KIT: variants seen among roughly 807,000 people sequenced by gnomAD.
KIT encodes mast/stem cell growth factor receptor Kit.
KIT carries 16 observed loss-of-function variants against 105.7 expected under a neutral mutation model. That is an observed-to-expected ratio of 0.15 (90% confidence interval 0.10 to 0.23). The LOEUF (loss-of-function observed/expected upper bound fraction) is 0.23. KIT is among the 10% of genes least tolerant of loss of function. The pLI, the probability that KIT is intolerant of heterozygous loss-of-function variation, is 1.00. For synonymous variants in KIT, 438 were observed against 441.1 expected, an observed-to-expected ratio of 0.99 and a Z score of 0.09; for missense variants, 858 against 1,213.8, an observed-to-expected ratio of 0.71 and a Z score of 4.36.
At chr4:54,659,369 A>C (rs1489966059) in intron 1 of KIT, among the ~76,000 whole-genome samples, 2 of 152,158 alleles carry the variant, frequency 1.3e-5, no homozygotes, top group Non-Finnish European at 2.9e-5. Context: ...TCACCCCTGA[A>C]GCCCTGCTAT....
rs1560420768 is a variant in KIT, at chr4:54,731,341, A to C, written c.2155A>C (p.Asn719His). 6.2e-7 allele frequency: 1 copy of C among 1,612,422 alleles called. No individual in the cohort carries two copies. The highest frequency in any genetic ancestry group is 8.5e-7 in the Non-Finnish European group (1 of 1,178,582). ...CATCTCTCCCAGCAGCGATAGTACTAATGAGTACATGGACATGAAACCTGG... is the reference window on the plus strand; with the variant it reads ...CATCTCTCCCAGCAGCGATAGTACTCATGAGTACATGGACATGAAACCTGG... ...SKESSCSDST[N>H]EYMDMKPGVS... The change falls in exon 15 of 21, where the codon AAT becomes CAT. Residue 719 changes from asparagine (N) to histidine (H), a missense_variant. Transcript: ENST00000288135.
At chr4:54,700,658 T>C (rs1464271267) in intron 4 of KIT, among the ~76,000 whole-genome samples, 1 of 152,192 alleles carries the variant, frequency 6.6e-6, no homozygotes, top group Admixed American at 6.6e-5. Flanking sequence ...AAAAGAAATA[T>C]TATATTTTCT....
chr4:54,732,469 C>T (rs1360010853), intron 16 of KIT, among the ~76,000 whole-genome samples: 2 of 152,056 alleles, frequency 1.3e-5, no homozygotes, highest in Admixed American at 1.3e-4. Context: ...GTAATAAACA[C>T]TTGGGAGAAG....
chr4:54,665,842 C>T (rs1717648815), intron 1 of KIT, among the ~76,000 whole-genome samples: 1 of 152,094 alleles, frequency 6.6e-6, no homozygotes, highest in Non-Finnish European at 1.5e-5. Context: ...TAAAACTAAA[C>T]CCCAAAGTCA....
At chr4:54,717,846 C>T (rs904943853) in intron 7 of KIT, among the ~76,000 whole-genome samples, 21 of 151,996 alleles carry the variant, frequency 1.4e-4, no homozygotes, top group Admixed American at 3.3e-4. Context: ...TTGTCCCATG[C>T]CTGCACTCCT....
intron 2 of KIT, 129 bp downstream of exon 2, chr4:54,695,910 C>T: frequency 9.7e-7 from 1 of 1,027,026 alleles, no homozygotes. Flanking sequence ...GCCTAAAACA[C>T]ATGTTTCTTC....
chr4:54,676,078 GTT>G, intron 1 of KIT, among the ~76,000 whole-genome samples: 1 of 152,306 alleles, frequency 6.6e-6, no homozygotes, highest in Non-Finnish European at 1.5e-5. Context: ...AAGAAAATCT[GTT>G]TTTGCAGGTT....
rs912001684 is a variant in KIT at position 54,740,536 on chromosome 4, G to A, written c.*1979G>A. 1.3e-5 allele frequency: 3 copies of A among 232,428 alleles called. No individual in the cohort carries two copies. Among genetic ancestry groups the A allele is most frequent in the Non-Finnish European group, 1.7e-5 (2 of 117,470 alleles). The allele number at this position is 232,428 out of a possible 1,614,324, so 14.4% of individuals were successfully genotyped here. A position where few individuals can be genotyped will look rare whatever the true frequency, so the allele number is the denominator to read the frequency against. On this transcript the variant is annotated 3_prime_UTR_variant, in exon 21 of 21. Coordinates refer to ENST00000288135, the MANE Select transcript of KIT (RefSeq NM_000222.3). The stretch of plus-strand genomic sequence containing the variant: ...TTGAAATGTAGCAATAATGTCTTTT[G>A]AATATTCCCAAGCCCATGAGTCCTT...
intron 1 of KIT, among the ~76,000 whole-genome samples, chr4:54,670,287 T>A (rs546599449): frequency 6.6e-6 from 1 of 152,328 alleles, no homozygotes; most frequent in African/African-American, 2.4e-5. Flanking sequence ...CCCCTCTTTT[T>A]AAAATTCATT....
rs1560381238 is a variant in KIT, at chr4:54,678,334, TTCC to T, written c.68-17176_68-17174del. ...CTTCCTTCCTTCCTTCCTTCCTTCC[TTCC>T]TTCCTTCCTTCCTTCCCTCCCTCCC... is the stretch of plus-strand genomic sequence containing the variant. On this transcript the variant is annotated intron_variant, in intron 1 of 20. Transcript: ENST00000288135. Among the ~76,000 whole-genome samples the T allele has an allele frequency of 3.6e-4, 35 of 98,556 alleles. 1 individual carries two copies. Among genetic ancestry groups the T allele is most frequent in the Non-Finnish European group, 5.9e-4 (30 of 51,180 alleles). 64.7% of individuals were successfully genotyped at this position (98,556 alleles called of 152,430 possible).
chr4:54,662,535 A>G (rs1416733565), intron 1 of KIT, among the ~76,000 whole-genome samples: 2 of 152,086 alleles, frequency 1.3e-5, no homozygotes, highest in Admixed American at 1.3e-4. Context: ...AATAATGCCT[A>G]CTCTTTTAAG....
intron 14 of KIT, among the ~76,000 whole-genome samples, chr4:54,730,885 A>T (rs976477423): frequency 6.6e-6 from 1 of 151,966 alleles, no homozygotes; most frequent in Non-Finnish European, 1.5e-5. Flanking sequence ...ATTTTTTTTT[A>T]AACCTTCCTC....
chr4:54,735,644 A>G (rs554200002), intron 17 of KIT, among the ~76,000 whole-genome samples: 1 of 152,288 alleles, frequency 6.6e-6, no homozygotes, highest in South Asian at 2.1e-4. Flanking sequence ...TACCCATTTT[A>G]TCTTATTTAA....
Position 54,723,572 on chromosome 4 carries a change from G to C in KIT, c.1232-12G>C, listed in dbSNP as rs1722023222. The stretch of plus-strand genomic sequence containing the variant: ...AGCACTCTGACATATGGCCATTTCT[G>C]TTTTCCTGTAGCAAAACCAGAAATC... On this transcript the variant is annotated splice_polypyrimidine_tract_variant and intron_variant, in intron 7 of 20. Coordinates refer to ENST00000288135, the MANE Select transcript of KIT (RefSeq NM_000222.3). 6.3e-7 allele frequency: 1 copy of C among 1,592,428 alleles called. No homozygotes were observed. Among genetic ancestry groups the C allele is most frequent in the East Asian group, 2.2e-5 (1 of 44,734 alleles).
chr4:54,695,887 C>A, intron 2 of KIT, 106 bp downstream of exon 2: 1 of 1,397,584 alleles, frequency 7.2e-7, no homozygotes, highest in Non-Finnish European at 1.0e-6. Flanking sequence ...ATATTTCTGG[C>A]TGGGTCTAGA....
At chr4:54,699,105 A>C (rs1370508234) in intron 3 of KIT, among the ~76,000 whole-genome samples, 1 of 152,230 alleles carries the variant, frequency 6.6e-6, no homozygotes, top group Non-Finnish European at 1.5e-5. Context: ...AATCTCAGAG[A>C]TCATCTAATT....
chr4:54,736,070 A>T (rs781561811), intron 17 of KIT, among the ~76,000 whole-genome samples: 1 of 152,158 alleles, frequency 6.6e-6, no homozygotes, highest in African/African-American at 2.4e-5. Flanking sequence ...AAACCGAGTC[A>T]CCTAACTACA....
chr4:54,675,247 A>C (rs866138866), intron 1 of KIT, among the ~76,000 whole-genome samples: 1 of 152,240 alleles, frequency 6.6e-6, no homozygotes, highest in African/African-American at 2.4e-5. Context: ...CATATGAAGA[A>C]TAAGGACAGA....
intron 16 of KIT, among the ~76,000 whole-genome samples, chr4:54,732,689 A>T (rs1446608041): frequency 6.6e-6 from 1 of 152,114 alleles, no homozygotes; most frequent in Non-Finnish European, 1.5e-5. Flanking sequence ...TCCTTGGGAG[A>T]TGTCAGATTG....
Sources: allele counts gnomAD v4.1 joint callset (sites outside exome capture counted in the v4.1 genomes callset), GRCh38; gene constraint gnomAD v4.1.1; transcripts MANE v1.5; gene names NCBI Gene and HGNC (gene_info 2026-07-23, HGNC 2026-07-21).